S100A13: variants seen among roughly 807,000 people sequenced by gnomAD.
The protein encoded by S100A13 is protein S100-A13.
S100A13 carries 6 observed loss-of-function variants against 8.2 expected under a neutral mutation model. That is an observed-to-expected ratio of 0.73 (90% CI 0.40 to 1.44). The LOEUF (loss-of-function observed/expected upper bound fraction) is 1.44, where lower values mean the gene tolerates loss of function less well. Ranked by LOEUF, S100A13 falls within the 40% of genes most tolerant of loss-of-function variation. S100A13 has a pLI of 0.02. For synonymous variants in S100A13, 39 were observed against 45.9 expected (o/e 0.85, Z 0.61); for missense variants, 114 against 113.6 (o/e 1.00, Z -0.02).
chr1:153,633,762 C>T (rs1668170843), upstream of S100A13, among the ~76,000 whole-genome samples: 1 of 152,138 alleles, frequency 6.6e-6, no homozygotes, highest in South Asian at 2.1e-4. Flanking sequence ...GGCTAGGGAA[C>T]GGAGGGGCGA....
intron 2 of S100A13, among the ~76,000 whole-genome samples, chr1:153,623,047 G>A (rs558409556): frequency 2.0e-5 from 3 of 151,576 alleles, no homozygotes; most frequent in South Asian, 2.1e-4. Flanking sequence ...CTGTAATCAC[G>A]CCATTGCACT....
At chr1:153,631,732 T>C, upstream of S100A13, 1 of 1,614,192 alleles carries the variant, frequency 6.2e-7, no homozygotes. Flanking sequence ...GACAAGGTGA[T>C]GAAGGAGCTA....
At chr1:153,619,579 T>C (rs9729258) in intron 2 of S100A13, among the ~76,000 whole-genome samples, 3 of 152,160 alleles carry the variant, frequency 2.0e-5, no homozygotes, top group African/African-American at 7.2e-5. Context: ...GGCAAGGGCA[T>C]GGAGTATCTG....
At chr1:153,631,993 C>A (rs1668043617), upstream of S100A13, 1 of 762,848 alleles carries the variant, frequency 1.3e-6, no homozygotes, top group Non-Finnish European at 2.0e-6. Context: ...AGTAGCGGTC[C>A]AAGCCTGCAA....
intron 2 of S100A13, among the ~76,000 whole-genome samples, chr1:153,624,872 C>T (rs753080584): frequency 1.3e-5 from 2 of 152,080 alleles, no homozygotes; most frequent in Non-Finnish European, 2.9e-5. Context: ...ATCAGGAGTT[C>T]GAAACCAGCC....
chr1:153,630,764 G>C, upstream of S100A13: 1 of 1,450,218 alleles, frequency 6.9e-7, no homozygotes, highest in Admixed American at 2.3e-5. Flanking sequence ...GCTCAGCCTA[G>C]CCTCTTTCTT....
At chr1:153,633,395 T>C (rs1029882576), upstream of S100A13, among the ~76,000 whole-genome samples, 1 of 151,958 alleles carries the variant, frequency 6.6e-6, no homozygotes, top group Non-Finnish European at 1.5e-5. Context: ...AATCCCTATG[T>C]AGGTCTGCAA....
At chr1:153,632,068 A>C, upstream of S100A13, 1 of 562,520 alleles carries the variant, frequency 1.8e-6, no homozygotes, top group Non-Finnish European at 3.2e-6. Context: ...TGGGATCTGG[A>C]AGTGGGTGGA....
At chr1:153,633,854 G>C (rs907873525), upstream of S100A13, 15 of 152,276 alleles carry the variant, frequency 9.9e-5, no homozygotes, top group African/African-American at 3.4e-4. Context: ...CTACTGGAAC[G>C]TGAAGTCCCC....
intron 2 of S100A13, among the ~76,000 whole-genome samples, chr1:153,620,212 G>C: frequency 6.6e-6 from 1 of 152,040 alleles, no homozygotes; most frequent in East Asian, 1.9e-4. Context: ...GCTTGAACCT[G>C]GGAGGCGGAG....
At chr1:153,629,543 T>A (rs1557930025), upstream of S100A13, 1 of 152,276 alleles carries the variant, frequency 6.6e-6, no homozygotes, top group Non-Finnish European at 1.5e-5. Flanking sequence ...GGCTTGGCAG[T>A]CTTCTCTCTC....
At chr1:153,626,191 A>G in intron 2 of S100A13, 129 bp downstream of exon 2, 1 of 815,020 alleles carries the variant, frequency 1.2e-6, no homozygotes, top group Non-Finnish European at 2.0e-6. Context: ...AAAACCTGCA[A>G]CCATTGACAC....
At chr1:153,625,642 CTG>C (rs1447990006) in intron 2 of S100A13, among the ~76,000 whole-genome samples, 1 of 152,236 alleles carries the variant, frequency 6.6e-6, no homozygotes, top group African/African-American at 2.4e-5. Flanking sequence ...GGAATGCGGA[CTG>C]TGTTTTCTCT....
At chr1:153,620,701 G>C (rs1667186001) in intron 2 of S100A13, among the ~76,000 whole-genome samples, 1 of 152,162 alleles carries the variant, frequency 6.6e-6, no homozygotes, top group South Asian at 2.1e-4. Context: ...AAGTAACCTA[G>C]AGTTACTTGT....
At chr1:153,630,940 A>G (rs1030669040), upstream of S100A13, 20 of 468,122 alleles carry the variant, frequency 4.3e-5, no homozygotes, top group Non-Finnish European at 7.2e-5. Flanking sequence ...ACTTAAAAGT[A>G]AACCATGAAC....
chr1:153,629,442 G>A (rs1667879348), upstream of S100A13: 1 of 152,250 alleles, frequency 6.6e-6, no homozygotes, highest in African/African-American at 2.4e-5. Flanking sequence ...CCTGGGGAAG[G>A]ATGGGGACAT....
chr1:153,630,438 G>T, upstream of S100A13: 1 of 1,566,142 alleles, frequency 6.4e-7, no homozygotes, highest in Non-Finnish European at 8.7e-7. Flanking sequence ...CAGTCCTGAG[G>T]GTTCCCCTCA....
intron 2 of S100A13, among the ~76,000 whole-genome samples, chr1:153,621,014 C>T (rs1481400072): frequency 6.6e-6 from 1 of 151,540 alleles, no homozygotes. Context: ...TCATATTATA[C>T]CACAGGGATA....
intron 2 of S100A13, among the ~76,000 whole-genome samples, chr1:153,625,570 G>A (rs1667563542): frequency 2.0e-5 from 3 of 152,198 alleles, no homozygotes. Context: ...ATTTGGCTGT[G>A]TTTTCATTTT....
Sources: gnomAD v4.1 joint callset for allele counts (sites outside exome capture counted in the v4.1 genomes callset) on GRCh38, gnomAD v4.1.1 for gene constraint, MANE v1.5 for transcripts, NCBI Gene and HGNC (gene_info 2026-07-23, HGNC 2026-07-21) for gene names.